KIAA0319: variants seen among roughly 807,000 people sequenced by gnomAD.
KIAA0319 encodes the protein dyslexia-associated protein KIAA0319.
KIAA0319 carries 83 observed loss-of-function variants against 108.4 expected under a neutral mutation model. The observed-to-expected ratio is 0.77, with a 90% CI of 0.64 to 0.92. The LOEUF (loss-of-function observed/expected upper bound fraction) is 0.92. Ranked by LOEUF, KIAA0319 falls within the 40% of genes least tolerant of loss-of-function variation. The probability of loss-of-function intolerance (pLI) is 0.00; values close to 1 mark genes in which losing one functional copy is unlikely to be tolerated. For synonymous variants in KIAA0319, 484 were observed against 510.4 expected (o/e 0.95, Z 0.70); for missense variants, 1,195 against 1,322.4 (o/e 0.90, Z 1.49).
intron 1 of KIAA0319, among the ~76,000 whole-genome samples, chr6:24,609,565 A>G (rs1358886819): frequency 1.3e-5 from 2 of 152,150 alleles, no homozygotes. Context: ...AACCAGAGCG[A>G]GATTCTGTCT....
At chr6:24,588,206 T>C (rs1359145369) in intron 4 of KIAA0319, among the ~76,000 whole-genome samples, 1 of 152,234 alleles carries the variant, frequency 6.6e-6, no homozygotes, top group Admixed American at 6.5e-5. Context: ...ATGAAACATG[T>C]TGCTCCCTCC....
chr6:24,564,446 G>A, intron 14 of KIAA0319, 106 bp from the exon 15 acceptor site: 1 of 1,397,142 alleles, frequency 7.2e-7, no homozygotes, highest in South Asian at 1.3e-5. Flanking sequence ...ACACAGGCGT[G>A]ACTTTAAGAG....
At position 24,545,057 on chromosome 6, in the gene KIAA0319, TC is replaced by T. The variant is rs1375837809; in HGVS notation, c.*2107del. Reference sequence around the variant, plus strand: ...GGCCATCTCTCCCTCTGACCTTGGCTCTCTGGATCCATTAAAAGAAATTCCT... The same window carrying T: ...GGCCATCTCTCCCTCTGACCTTGGCTTCTGGATCCATTAAAAGAAATTCCT... On this transcript the variant is annotated 3_prime_UTR_variant, in exon 21 of 21. Transcript: ENST00000378214. 1 of 152,130 alleles carries T rather than the reference TC, an allele frequency of 6.6e-6. No homozygotes were observed. The highest frequency in any genetic ancestry group is 6.5e-5 in the Admixed American group (1 of 15,268). The allele number at this position is 152,130 out of a possible 1,614,324, so 9.4% of individuals were successfully genotyped here.
intron 17 of KIAA0319, among the ~76,000 whole-genome samples, chr6:24,558,388 GATAGA>G (rs1762617740): frequency 6.6e-6 from 1 of 152,096 alleles, no homozygotes; most frequent in South Asian, 2.1e-4. Flanking sequence ...TAGATAGATA[GATAGA>G]TAGATAGATA....
At position 24,629,712 on chromosome 6, in the gene KIAA0319, T is replaced by C. The variant is rs573216277; in HGVS notation, c.-106+16024A>G. On this transcript the variant is annotated intron_variant, in intron 1 of 20. Coordinates refer to ENST00000378214, the MANE Select transcript of KIAA0319 (RefSeq NM_014809.4). ...ACGTTGCTGTCCCCGTGGCTGCTGC[T>C]TTAGATCTGAGATAAAATTTTTAAT... Among the ~76,000 whole-genome samples the C allele has an allele frequency of 2.0e-5, 3 of 152,154 alleles. No individual in the cohort carries two copies. The East Asian group carries it at 5.8e-4, about 29-fold the overall frequency.
At chr6:24,572,129 T>A (rs557696160) in intron 11 of KIAA0319, among the ~76,000 whole-genome samples, 1 of 152,304 alleles carries the variant, frequency 6.6e-6, no homozygotes, top group Admixed American at 6.5e-5. Context: ...CAAAGACCAT[T>A]ATCAAACAAA....
At chr6:24,590,646 A>C (rs954149960) in intron 3 of KIAA0319, among the ~76,000 whole-genome samples, 1 of 152,200 alleles carries the variant, frequency 6.6e-6, no homozygotes, top group African/African-American at 2.4e-5. Flanking sequence ...AGTTGAAATA[A>C]AGAATGAAGG....
chr6:24,643,722 A>G (rs748697046), intron 1 of KIAA0319, among the ~76,000 whole-genome samples: 3 of 152,248 alleles, frequency 2.0e-5, no homozygotes, highest in Non-Finnish European at 2.9e-5. Context: ...GAAAAAGAAC[A>G]CATCTCAAAA....
In KIAA0319 at chr6:24,572,722, T is replaced by A. The variant is rs199557712; in HGVS notation, c.1735-24A>T. On this transcript the variant is annotated intron_variant, in intron 10 of 20. Transcript: ENST00000378214. The stretch of plus-strand genomic sequence containing the variant: ...CCCTAAGTAATAGCAAATACAAAAA[T>A]AAAAACAAAACAAAACAAAAAAGTA... 5,932 of 1,577,948 alleles carry A rather than the reference T, an allele frequency of 3.8e-3. 78 individuals are homozygous for A. The African/African-American group carries it at 0.038, about 10-fold the overall frequency.
intron 1 of KIAA0319, among the ~76,000 whole-genome samples, chr6:24,634,487 A>G (rs1424797528): frequency 6.6e-6 from 1 of 152,244 alleles, no homozygotes; most frequent in East Asian, 1.9e-4. Context: ...TGTAAGTTTT[A>G]ATGTGGCTCA....
chr6:24,557,675 G>T (rs147062927), intron 17 of KIAA0319, among the ~76,000 whole-genome samples: 1 of 152,186 alleles, frequency 6.6e-6, no homozygotes, highest in Non-Finnish European at 1.5e-5. Context: ...GCATAATTAT[G>T]GAGCATATCC....
intron 19 of KIAA0319, among the ~76,000 whole-genome samples, chr6:24,553,333 A>ACG (rs1253202933): frequency 3.2e-4 from 20 of 61,912 alleles, no homozygotes; most frequent in African/African-American, 4.1e-4. Flanking sequence ...ACACACACAC[A>ACG]CACGCACATA....
At chr6:24,636,519 T>C (rs573903059) in intron 1 of KIAA0319, among the ~76,000 whole-genome samples, 1 of 152,314 alleles carries the variant, frequency 6.6e-6, no homozygotes, top group East Asian at 1.9e-4. Context: ...CAGCTCCTAT[T>C]AGAGCAACAT....
chr6:24,611,489 ACT>A (rs1772311136), intron 1 of KIAA0319, among the ~76,000 whole-genome samples: 2 of 152,094 alleles, frequency 1.3e-5, no homozygotes, highest in East Asian at 1.9e-4. Context: ...ACAGAGAAAG[ACT>A]CTGTCTCAAA....
At chr6:24,596,644 G>A in intron 2 of KIAA0319, 26 bp from the exon 3 acceptor site, 1 of 1,565,798 alleles carries the variant, frequency 6.4e-7, no homozygotes, top group Non-Finnish European at 8.7e-7. Context: ...TTTCTAATGA[G>A]GGAGAGAGGC....
chr6:24,608,696 C>T (rs1488276271), intron 1 of KIAA0319, among the ~76,000 whole-genome samples: 4 of 151,430 alleles, frequency 2.6e-5, no homozygotes, highest in Non-Finnish European at 4.4e-5. Context: ...TTTGGGAGGC[C>T]GAGGCGGGCG....
chr6:24,602,491 A>C (rs1001733747), intron 1 of KIAA0319, among the ~76,000 whole-genome samples: 3 of 152,190 alleles, frequency 2.0e-5, no homozygotes, highest in Non-Finnish European at 4.4e-5. Flanking sequence ...CACAACATAA[A>C]GCACTCTCTT....
rs566539852 is a variant in KIAA0319 at position 24,596,011 on chromosome 6, C to T, written c.663G>A (p.Ser221=). 9.3e-6 allele frequency: 15 copies of T among 1,614,162 alleles called. No individual in the cohort carries two copies. Among genetic ancestry groups the T allele is most frequent in the Middle Eastern group, 1.6e-4 (1 of 6,062 alleles). Residue 221 remains serine (S), a synonymous_variant, in exon 3 of 21, where the codon TCG becomes TCA. Coordinates refer to ENST00000378214, the MANE Select transcript of KIAA0319 (RefSeq NM_014809.4). The stretch of plus-strand genomic sequence containing the variant: ...GGAGTTTTGGGGCAGGGGTTGAAGC[C>T]GACTCATTCAGGTAATGGAGCTCAG... ...QDPELHYLNE[S]ASTPAPKLPE...
At chr6:24,570,116 A>G (rs2817195) in intron 11 of KIAA0319, 81 bp from the exon 12 acceptor site, 36,277 of 1,371,906 alleles carry the variant, frequency 0.026, 1,099 homozygotes, top group African/African-American at 0.14. Context: ...ATTTAAGTAC[A>G]TTACTCATCT....
Sources: gnomAD v4.1 joint callset for allele counts (sites outside exome capture counted in the v4.1 genomes callset) on GRCh38, gnomAD v4.1.1 for gene constraint, MANE v1.5 for transcripts, NCBI Gene and HGNC (gene_info 2026-07-23, HGNC 2026-07-21) for gene names.